Variants in TMEM74 observed in about 807,000 individuals in gnomAD.
The protein encoded by TMEM74 is transmembrane protein 74.
A neutral mutation model predicts 18.1 loss-of-function variants in TMEM74; 13 were observed. That is an observed-to-expected ratio of 0.72 (90% confidence interval 0.47 to 1.14). The LOEUF (loss-of-function observed/expected upper bound fraction) is 1.14, where lower values mean the gene tolerates loss of function less well. Among genes scored for constraint, TMEM74 ranks in the 50% most tolerant of loss-of-function variants. The probability of loss-of-function intolerance (pLI) is 0.00; values close to 1 mark genes in which losing one functional copy is unlikely to be tolerated. For missense variants in TMEM74, 372 were observed against 375.9 expected, an observed-to-expected ratio of 0.99 and a Z score of 0.09; for synonymous variants, 159 against 146.6, an observed-to-expected ratio of 1.08 and a Z score of -0.61.
In TMEM74 at chr8:108,623,803, T is replaced by C. The variant is rs530844876; in HGVS notation, n.265-14977A>G. On this transcript the variant is annotated intron_variant and non_coding_transcript_variant, in intron 2 of 3. Transcript: ENST00000518838. ...TTCTCTCATGGGACATTTGGCCATG[T>C]CTGGAGACATTTTTGATTTTTACAA... is the stretch of plus-strand genomic sequence containing the variant. 4.6e-5 allele frequency among the ~76,000 whole-genome samples: 7 copies of C among 152,162 alleles called. No individual in the cohort carries two copies. The South Asian group carries it at 1.5e-3, about 32-fold the overall frequency.
chr8:108,623,663 A>G (rs894744847), intron 2 of TMEM74, among the ~76,000 whole-genome samples: 1 of 152,092 alleles, frequency 6.6e-6, no homozygotes, highest in African/African-American at 2.4e-5. Context: ...ATAGAGTTTG[A>G]AAATGTATTT....
At chr8:108,694,686 T>TACATACAC (rs1813263311) in intron 1 of TMEM74, among the ~76,000 whole-genome samples, 1 of 152,246 alleles carries the variant, frequency 6.6e-6, no homozygotes, top group African/African-American at 2.4e-5. Context: ...CATGCATACA[T>TACATACAC]ACATACACAT....
intron 1 of TMEM74, among the ~76,000 whole-genome samples, chr8:108,719,564 A>G (rs962299636): frequency 6.6e-6 from 1 of 152,156 alleles, no homozygotes; most frequent in African/African-American, 2.4e-5. Flanking sequence ...TTTCACAGGA[A>G]GCCATAAACT....
intron 1 of TMEM74, among the ~76,000 whole-genome samples, chr8:108,657,938 C>CT (rs1438522830): frequency 1.6e-5 from 2 of 128,834 alleles, no homozygotes; most frequent in African/African-American, 6.2e-5. Context: ...AGTCCAAGGT[C>CT]TATCACTTTT....
chr8:108,613,747 T>C (rs1372116870), intron 2 of TMEM74, among the ~76,000 whole-genome samples: 1 of 152,192 alleles, frequency 6.6e-6, no homozygotes, highest in Non-Finnish European at 1.5e-5. Flanking sequence ...TCTGATTGGC[T>C]TTTCATCTTG....
intron 1 of TMEM74, among the ~76,000 whole-genome samples, chr8:108,720,766 G>T (rs968346247): frequency 1.3e-5 from 2 of 151,806 alleles, no homozygotes; most frequent in African/African-American, 4.8e-5. Context: ...TAGTTTGTTT[G>T]TTTGTTTGTT....
chr8:108,701,945 C>T (rs918934258), intron 1 of TMEM74, among the ~76,000 whole-genome samples: 3 of 151,956 alleles, frequency 2.0e-5, no homozygotes, highest in East Asian at 1.9e-4. Context: ...CCATAATAAA[C>T]GACAACATTT....
chr8:108,720,592 T>C lies in TMEM74; in HGVS notation n.120-65155A>G, dbSNP rs534112843. Among the ~76,000 whole-genome samples, 13 of 152,302 alleles carry C rather than the reference T, an allele frequency of 8.5e-5. 1 individual carries two copies. The highest frequency in any genetic ancestry group is 1.9e-4 in the African/African-American group (8 of 41,564). ...AAATTCAAACAAATTAGGTAGTCTA[T>C]AAGCTCTCTGAAAGTAGGACAGTCT... On this transcript the variant is annotated intron_variant and non_coding_transcript_variant, in intron 1 of 3. Transcript: ENST00000518838.
At chr8:108,707,319 G>A in intron 1 of TMEM74, among the ~76,000 whole-genome samples, 1 of 142,224 alleles carries the variant, frequency 7.0e-6, no homozygotes, top group Non-Finnish European at 1.5e-5. Context: ...ATGTACCCTA[G>A]AACTTAAACT....
At chr8:108,672,771 A>G (rs1586255496) in intron 1 of TMEM74, among the ~76,000 whole-genome samples, 1 of 152,218 alleles carries the variant, frequency 6.6e-6, no homozygotes, top group African/African-American at 2.4e-5. Context: ...GGTCCTTCTG[A>G]TGTTCAAAGA....
chr8:108,659,254 A>AACACACACACACAC (rs6150751), intron 1 of TMEM74, among the ~76,000 whole-genome samples: 2 of 149,756 alleles, frequency 1.3e-5, no homozygotes, highest in Non-Finnish European at 3.0e-5. Flanking sequence ...ATAGCCCACT[A>AACACACACACACAC]ACACACACAC....
At position 108,787,515 on chromosome 8, in the gene TMEM74, G is replaced by C. The variant is rs1365560655; in HGVS notation, c.-79C>G. The C allele has an allele frequency of 6.6e-6, 1 of 152,526 alleles. No homozygotes were observed. The highest frequency in any genetic ancestry group is 1.5e-5 in the Non-Finnish European group (1 of 68,352). 9.4% of individuals were successfully genotyped at this position (152,526 alleles called of 1,614,324 possible). A position where few individuals can be genotyped will look rare whatever the true frequency, so the allele number is the denominator to read the frequency against. On this transcript the variant is annotated 5_prime_UTR_variant, in exon 1 of 2. Transcript: ENST00000297459. Reference sequence around the variant, plus strand: ...ACCCGGTGCGGCTCCAGCACCGCGCGCTCTCCCGGCACGGTTCCCGGAGAA... The same window carrying C: ...ACCCGGTGCGGCTCCAGCACCGCGCCCTCTCCCGGCACGGTTCCCGGAGAA...
chr8:108,657,852 AAAAAAAAATATATATATAT>A (rs1251821293), intron 1 of TMEM74, among the ~76,000 whole-genome samples: 2 of 49,148 alleles, frequency 4.1e-5, no homozygotes, highest in Non-Finnish European at 3.6e-5. Context: ...CAAAAAAAAA[AAAAAAAAATATATATATAT>A]ATATATATAT....
chr8:108,737,711 C>T (rs1417257603), intron 1 of TMEM74, among the ~76,000 whole-genome samples: 1 of 152,038 alleles, frequency 6.6e-6, no homozygotes, highest in Admixed American at 6.5e-5. Flanking sequence ...CAGTATAATA[C>T]AATACAATAA....
intron 1 of TMEM74, among the ~76,000 whole-genome samples, chr8:108,732,617 G>A (rs1481834621): frequency 2.0e-5 from 3 of 151,952 alleles, no homozygotes; most frequent in East Asian, 1.9e-4. Flanking sequence ...AGTCATCAAA[G>A]CAATTCAATG....
At chr8:108,639,554 A>T (rs570592362) in intron 2 of TMEM74, among the ~76,000 whole-genome samples, 1 of 152,324 alleles carries the variant, frequency 6.6e-6, no homozygotes, top group East Asian at 1.9e-4. Flanking sequence ...TAAATGTGGC[A>T]TCACAGGACA....
intron 2 of TMEM74, among the ~76,000 whole-genome samples, chr8:108,622,986 T>G (rs1812458127): frequency 6.6e-6 from 1 of 152,044 alleles, no homozygotes; most frequent in Non-Finnish European, 1.5e-5. Context: ...GAATCAGAAA[T>G]CATAAATTTT....
chr8:108,619,890 AAGG>A (rs1177501100), intron 2 of TMEM74, among the ~76,000 whole-genome samples: 2 of 152,146 alleles, frequency 1.3e-5, no homozygotes, highest in African/African-American at 4.8e-5. Context: ...AGAAATGTAA[AAGG>A]AGGAGAGTCT....
intron 1 of TMEM74, among the ~76,000 whole-genome samples, chr8:108,659,887 A>G (rs1181678284): frequency 6.6e-6 from 1 of 152,084 alleles, no homozygotes; most frequent in Non-Finnish European, 1.5e-5. Context: ...CCAATTACTC[A>G]GTACAGTGAG....
Sources: gnomAD v4.1 joint callset for allele counts (sites outside exome capture counted in the v4.1 genomes callset) on GRCh38, gnomAD v4.1.1 for gene constraint, MANE v1.5 for transcripts, NCBI Gene and HGNC (gene_info 2026-07-23, HGNC 2026-07-21) for gene names.